Variants in KEL observed in about 807,000 individuals in gnomAD.
KEL encodes the protein Kell metallo-endopeptidase (Kell blood group).
In KEL, 96 loss-of-function variants were observed where a neutral mutation model predicts 99.5. The ratio of observed to expected loss-of-function variants is 0.97; its 90% confidence interval spans 0.82 to 1.14. KEL has a LOEUF of 1.14. KEL is among the 50% of genes most tolerant of loss of function. KEL has a pLI of 0.00. For missense variants in KEL, 926 were observed against 924.2 expected (o/e 1.00, Z -0.03); for synonymous variants, 355 against 354.8 (o/e 1.00, Z -0.01).
rs1300688433 is a variant in KEL, at chr7:142,943,285, A to G, written c.1762T>C (p.Tyr588His). 10 of 1,613,778 alleles carry G rather than the reference A, an allele frequency of 6.2e-6. No individual in the cohort carries two copies. Among genetic ancestry groups the G allele is most frequent in the East Asian group, 2.2e-5 (1 of 44,892 alleles). ...IMAHELLHIFYQLLLPGGCLA... is the reference protein window; with the variant it reads ...IMAHELLHIFHQLLLPGGCLA... ...GGCCCCTGTTACCCACAGAGCTGGTAGAAGATGTGCAACAGCTCGTGGGCC... is the reference window on the plus strand; with the variant it reads ...GGCCCCTGTTACCCACAGAGCTGGTGGAAGATGTGCAACAGCTCGTGGGCC... Residue 588 changes from tyrosine (Y) to histidine (H), a missense_variant, in exon 16 of 19, where the codon TAC (tyrosine) becomes CAC (histidine). Transcript: ENST00000355265.
chr7:142,944,918 G>T, intron 11 of KEL, 177 bp from the exon 12 acceptor site: 1 of 653,376 alleles, frequency 1.5e-6, no homozygotes, highest in Non-Finnish European at 2.7e-6. Context: ...AGAAAGGAAG[G>T]CAGTGCCAAG....
Position 142,957,968 on chromosome 7 carries a change from T to C in KEL, c.531A>G (p.Gly177=). Residue 177 remains glycine (G), a synonymous_variant, in exon 6 of 19, where the codon GGA becomes GGG. Transcript: ENST00000355265. ...TCCATTTACCAGAGATGCGCCAGCCTCCAAGCTTTAAAGGAGAGAGAGGGG... is the reference window on the plus strand; with the variant it reads ...TCCATTTACCAGAGATGCGCCAGCCCCCAAGCTTTAAAGGAGAGAGAGGGG... ...GPLRQVIEEL[G]GWRISGKWTS... is the part of the protein sequence containing the mutation. 1 of 1,613,940 alleles carries C rather than the reference T, an allele frequency of 6.2e-7. No individual in the cohort carries two copies. The highest frequency in any genetic ancestry group is 8.5e-7 in the Non-Finnish European group (1 of 1,179,938).
chr7:142,953,336 G>T (rs1342730579), intron 9 of KEL: 1 of 983,588 alleles, frequency 1.0e-6, no homozygotes, highest in African/African-American at 1.7e-5. Context: ...CACACCTGAG[G>T]AATGGCCCCT....
chr7:142,942,530 C>T lies in KEL; in HGVS notation c.1942-1G>A, dbSNP rs757084043. ...GCCGTAACAGCCTCTTGCTGTATGC[C>T]TGGGTAGGGGTGGGTAGAGAAGGGC... On this transcript the variant is annotated splice_acceptor_variant, in intron 17 of 18. Transcript: ENST00000355265. LOFTEE classifies it high-confidence loss of function. 2 of 1,602,700 alleles carry T rather than the reference C, an allele frequency of 1.2e-6. No individual in the cohort carries two copies. The highest frequency in any genetic ancestry group is 8.5e-7 in the Non-Finnish European group (1 of 1,173,876).
At chr7:142,957,748 C>G in intron 6 of KEL, 79 bp downstream of exon 6, 1 of 1,575,728 alleles carries the variant, frequency 6.3e-7, no homozygotes, top group East Asian at 2.2e-5. Context: ...TCCCAACCTG[C>G]AACCTTCCTC....
intron 6 of KEL, among the ~76,000 whole-genome samples, chr7:142,954,747 A>G (rs981888014): frequency 2.0e-5 from 3 of 152,118 alleles, no homozygotes; most frequent in Non-Finnish European, 4.4e-5. Context: ...GAGTATTACA[A>G]CCAGTGTGGG....
At chr7:142,948,899 G>GAA (rs772842194) in intron 10 of KEL, among the ~76,000 whole-genome samples, 6 of 142,208 alleles carry the variant, frequency 4.2e-5, no homozygotes, top group African/African-American at 1.5e-4. Context: ...AAGCTTCACA[G>GAA]ACACACACAC....
At chr7:142,959,720 C>T (rs8176057) in intron 4 of KEL, among the ~76,000 whole-genome samples, 8 of 152,128 alleles carry the variant, frequency 5.3e-5, no homozygotes, top group Non-Finnish European at 1.0e-4. Context: ...GAATCATCCA[C>T]CCTCTAATAT....
chr7:142,945,562 C>T (rs1393049305), intron 11 of KEL, among the ~76,000 whole-genome samples: 3 of 151,776 alleles, frequency 2.0e-5, no homozygotes, highest in Non-Finnish European at 2.9e-5. Flanking sequence ...TCTGATGTCA[C>T]GTCATGTGTT....
chr7:142,946,140 G>T, intron 11 of KEL, 67 bp downstream of exon 11: 1 of 1,141,728 alleles, frequency 8.8e-7, no homozygotes, highest in Non-Finnish European at 1.3e-6. Context: ...AAAGTTAATA[G>T]AAGAGGGAAG....
intron 6 of KEL, among the ~76,000 whole-genome samples, chr7:142,955,647 T>G (rs1796813223): frequency 6.6e-6 from 1 of 152,224 alleles, no homozygotes; most frequent in South Asian, 2.1e-4. Flanking sequence ...CCCTTGTTTC[T>G]ATTCTGAAGA....
Position 142,957,852 on chromosome 7 carries a change from G to A in KEL, c.647C>T (p.Ala216Val). The part of the protein sequence containing the change: ...FFRAYLGPHP[A>V]SPHTPVIQID... ...CTGGATGACTGGTGTGTGTGGAGAG[G>A]CAGGATGAGGTCCTAGGTAGGCTCT... Residue 216 changes from alanine (A) to valine (V), a missense_variant, in exon 6 of 19, where the codon GCC becomes GTC. By Grantham distance (64) the Ala-to-Val change is moderately conservative (BLOSUM62 0). Coordinates refer to ENST00000355265, the MANE Select transcript of KEL (RefSeq NM_000420.3). 1 of 1,614,120 alleles carries A rather than the reference G, an allele frequency of 6.2e-7. No individual in the cohort carries two copies. Among genetic ancestry groups the A allele is most frequent in the Non-Finnish European group, 8.5e-7 (1 of 1,180,024 alleles).
chr7:142,941,475 A>C (rs1348898302), intron 18 of KEL, 62 bp from the exon 19 acceptor site: 4 of 1,485,872 alleles, frequency 2.7e-6, no homozygotes, highest in Non-Finnish European at 3.6e-6. Flanking sequence ...ACCCGGTGAC[A>C]AGGGGTGATC....
At position 142,954,316 on chromosome 7, in the gene KEL, G is replaced by T. The variant is rs965336754; in HGVS notation, c.792C>A (p.Asp264Glu). The change falls in exon 8 of 19, where the codon GAC becomes GAA. Residue 264 changes from aspartate (D) to glutamate (E), a missense_variant. By Grantham distance (45) the Asp-to-Glu change is conservative. Transcript: ENST00000355265. ...LNQLGTLLGGDPSKVQEHSSL... is the reference protein window; with the variant it reads ...LNQLGTLLGGEPSKVQEHSSL... ...AAGAGTGTTCTTGCACCTTGCTTGG[G>T]TCTCCTCCCAGCAAGGTTCCCAGCT... is the stretch of plus-strand genomic sequence containing the variant. The T allele has an allele frequency of 6.2e-7, 1 of 1,613,902 alleles. No homozygotes were observed. Among genetic ancestry groups the T allele is most frequent in the Non-Finnish European group, 8.5e-7 (1 of 1,179,934 alleles).
Position 142,943,887 on chromosome 7 carries a change from G to T in KEL, c.1492-4C>A. The T allele has an allele frequency of 6.2e-7, 1 of 1,613,248 alleles. No individual in the cohort carries two copies. Among genetic ancestry groups the T allele is most frequent in the Non-Finnish European group, 8.5e-7 (1 of 1,179,252 alleles). ...GGAAGCTCGATCCAAGCTGTATCTG[G>T]GGAAGAGGCAGGAGGTGACTTGGGC... On this transcript the variant is annotated splice_polypyrimidine_tract_variant and splice_region_variant and intron_variant, in intron 13 of 18. Transcript: ENST00000355265.
Position 142,946,302 on chromosome 7 carries a change from A to G in KEL, c.1219T>C (p.Trp407Arg), listed in dbSNP as rs1444946823. ...EQPPMPARPRWMKCVEETGTF... is the reference protein window; with the variant it reads ...EQPPMPARPRRMKCVEETGTF... The stretch of plus-strand genomic sequence containing the variant: ...CCTGTCTCCTCCACGCACTTCATCC[A>G]TCGTGGGCGGGCAGGCTATGGAGAC... The change falls in exon 11 of 19, where the codon TGG becomes CGG. Residue 407 changes from tryptophan to arginine, a missense_variant. Trp to Arg is a moderately radical substitution (Grantham distance 101). Coordinates refer to ENST00000355265, the MANE Select transcript of KEL (RefSeq NM_000420.3). 1.9e-6 allele frequency: 3 copies of G among 1,613,770 alleles called. No individual in the cohort carries two copies. Among genetic ancestry groups the G allele is most frequent in the African/African-American group, 1.3e-5 (1 of 75,040 alleles).
chr7:142,958,077 C>T (rs1313194450), intron 5 of KEL, 104 bp from the exon 6 acceptor site: 59 of 1,441,736 alleles, frequency 4.1e-5, no homozygotes, highest in Middle Eastern at 2.2e-4. Flanking sequence ...CTCTGCCCTG[C>T]GCCCTTCGAT....
chr7:142,943,254 C>T, intron 16 of KEL, 22 bp downstream of exon 16: 1 of 1,612,576 alleles, frequency 6.2e-7, no homozygotes, highest in Non-Finnish European at 8.5e-7. Context: ...TATCCCACCT[C>T]CCAGTGGCCC....
intron 6 of KEL, 51 bp from the exon 7 acceptor site, chr7:142,954,578 G>T: frequency 6.6e-7 from 1 of 1,525,936 alleles, no homozygotes; most frequent in Non-Finnish European, 9.1e-7. Context: ...GGATGGAGAG[G>T]GCAGGTGTGG....
Sources: gnomAD v4.1 joint callset for allele counts (sites outside exome capture counted in the v4.1 genomes callset) on GRCh38, gnomAD v4.1.1 for gene constraint, MANE v1.5 for transcripts, NCBI Gene and HGNC (gene_info 2026-07-23, HGNC 2026-07-21) for gene names.